Variants in ATP10B observed in about 807,000 individuals in gnomAD.
The protein encoded by ATP10B is ATPase phospholipid transporting 10B (putative).
A neutral mutation model predicts 141.2 loss-of-function variants in ATP10B; 122 were observed. The observed-to-expected ratio is 0.86, with a 90% CI of 0.75 to 1.00. The LOEUF (loss-of-function observed/expected upper bound fraction) is 1.00, where lower values mean the gene tolerates loss of function less well. Ranked by LOEUF, ATP10B falls within the 50% of genes least tolerant of loss-of-function variation. The pLI is 0.00. For missense variants in ATP10B, 1,876 were observed against 1,825.3 expected, an observed-to-expected ratio of 1.03 and a Z score of -0.51; for synonymous variants, 685 against 692.0, an observed-to-expected ratio of 0.99 and a Z score of 0.16.
intron 1 of ATP10B, among the ~76,000 whole-genome samples, chr5:160,791,958 C>A (rs1935363155): frequency 1.3e-5 from 2 of 152,066 alleles, no homozygotes; most frequent in African/African-American, 4.8e-5. Flanking sequence ...AAAGCTTTTC[C>A]CTTCCCACTG....
At chr5:160,566,726 A>G (rs1754561632) in intron 25 of ATP10B, among the ~76,000 whole-genome samples, 1 of 152,226 alleles carries the variant, frequency 6.6e-6, no homozygotes, top group South Asian at 2.1e-4. Context: ...TGTATGGAGA[A>G]AATATACACA....
chr5:160,600,067 A>AT (rs1480150146), intron 21 of ATP10B, among the ~76,000 whole-genome samples: 7 of 152,208 alleles, frequency 4.6e-5, no homozygotes, highest in Non-Finnish European at 7.3e-5. Context: ...CAGGAGTGAG[A>AT]TATACATCAG....
intron 23 of ATP10B, 152 bp downstream of exon 23, chr5:160,590,907 C>G: frequency 1.7e-6 from 1 of 603,018 alleles, no homozygotes; most frequent in Non-Finnish European, 2.9e-6. Flanking sequence ...TCTGACTTTT[C>G]AAACACCTTG....
At chr5:160,670,761 T>C (rs1762639853) in intron 6 of ATP10B, 94 bp from the exon 7 acceptor site, 1 of 1,104,844 alleles carries the variant, frequency 9.1e-7, no homozygotes, top group Non-Finnish European at 1.3e-6. Flanking sequence ...CACCTAACTA[T>C]CCACCAAGTC....
chr5:160,824,882 A>C (rs1774457411), intron 1 of ATP10B, among the ~76,000 whole-genome samples: 1 of 152,152 alleles, frequency 6.6e-6, no homozygotes, highest in South Asian at 2.1e-4. Flanking sequence ...CCAATCCGCC[A>C]ATTGCTAGCT....
intron 2 of ATP10B, among the ~76,000 whole-genome samples, chr5:160,766,225 A>C (rs1366366098): frequency 6.6e-6 from 1 of 152,004 alleles, no homozygotes; most frequent in Non-Finnish European, 1.5e-5. Context: ...GGAAAAGAAA[A>C]GTCATATTAT....
In ATP10B at chr5:160,687,808, T is replaced by A; in HGVS notation, c.267A>T (p.Gln89His). Residue 89 changes from glutamine to histidine, a missense_variant, in exon 5 of 26, where the codon CAA (glutamine) becomes CAT (histidine). Coordinates refer to ENST00000327245, the MANE Select transcript of ATP10B (RefSeq NM_025153.3). ...GACAAGTGGATCTCTACCTATGAAATTGCTCAAAGAGATTCCGGGGCAGGA... is the reference window on the plus strand; with the variant it reads ...GACAAGTGGATCTCTACCTATGAAAATGCTCAAAGAGATTCCGGGGCAGGA... The part of the protein sequence containing the change: ...FTFLPRNLFE[Q>H]FHRWANLYFL... The A allele has an allele frequency of 1.9e-6, 3 of 1,613,520 alleles. No individual in the cohort carries two copies. Among genetic ancestry groups the A allele is most frequent in the Non-Finnish European group, 2.5e-6 (3 of 1,179,694 alleles).
intron 16 of ATP10B, among the ~76,000 whole-genome samples, chr5:160,616,716 CCT>C (rs1471719327): frequency 6.6e-6 from 1 of 152,188 alleles, no homozygotes; most frequent in Non-Finnish European, 1.5e-5. Flanking sequence ...TCAAATATTC[CCT>C]GAGTCCCTCT....
chr5:160,618,379 G>A (rs1758145610), intron 15 of ATP10B, among the ~76,000 whole-genome samples: 1 of 152,132 alleles, frequency 6.6e-6, no homozygotes, highest in South Asian at 2.1e-4. Context: ...GTTTTTAGTT[G>A]ATCTCTGGAT....
In ATP10B at chr5:160,816,528, A is replaced by G. The variant is rs1052223031; in HGVS notation, c.-575-30725T>C. On this transcript the variant is annotated intron_variant, in intron 1 of 25. Coordinates refer to ENST00000327245, the MANE Select transcript of ATP10B (RefSeq NM_025153.3). ...ATAATTAATAGCTTACCAACCAAAA[A>G]AAATCCAGGACCACATGGATTCACA... is the stretch of plus-strand genomic sequence containing the variant. Among the ~76,000 whole-genome samples, 3 of 152,192 alleles carry G rather than the reference A, an allele frequency of 2.0e-5. No individual in the cohort carries two copies. The South Asian group carries it at 6.2e-4, about 32-fold the overall frequency.
rs570286593 is a variant in ATP10B, at chr5:160,839,121, T to C, written c.-576+12820A>G. On this transcript the variant is annotated intron_variant, in intron 1 of 25. Transcript: ENST00000327245. The stretch of plus-strand genomic sequence containing the variant: ...ACATCAATTAACCCTCTTTTCTTTA[T>C]AGATTACCTAGTCTCAGGTATTCCT... 4.6e-5 allele frequency among the ~76,000 whole-genome samples: 7 copies of C among 152,294 alleles called. 1 individual carries two copies. In the South Asian group the frequency reaches 1.5e-3, roughly 32 times the overall value.
At chr5:160,765,462 G>A (rs1769332652) in intron 2 of ATP10B, among the ~76,000 whole-genome samples, 1 of 151,996 alleles carries the variant, frequency 6.6e-6, no homozygotes, top group Non-Finnish European at 1.5e-5. Context: ...ATAAAATGGG[G>A]GAAACGACAC....
chr5:160,883,062 G>A, the ATP10B span, among the ~76,000 whole-genome samples: 1 of 152,178 alleles, frequency 6.6e-6, no homozygotes, highest in Admixed American at 6.5e-5. Context: ...ATAGGAATGG[G>A]AAAAGCAAGT....
chr5:160,883,232 G>T, the ATP10B span, among the ~76,000 whole-genome samples: 2 of 152,148 alleles, frequency 1.3e-5, no homozygotes, highest in East Asian at 3.8e-4. Flanking sequence ...TTTTGAACAT[G>T]CAAGAATGTA....
intron 2 of ATP10B, 141 bp from the exon 3 acceptor site, chr5:160,717,175 G>A (rs1765713288): frequency 1.9e-6 from 1 of 536,088 alleles, no homozygotes; most frequent in South Asian, 8.1e-5. Flanking sequence ...TATGATAGTA[G>A]AAAAACATGT....
rs190339774 is a variant in ATP10B, at chr5:160,608,848, T to G, written c.2839-1762A>C. ...GGATATTAGCCCTTTGTCAGATGGGTAGATTGCAAAAATTTTCTCCCATTC... is the reference window on the plus strand; with the variant it reads ...GGATATTAGCCCTTTGTCAGATGGGGAGATTGCAAAAATTTTCTCCCATTC... On this transcript the variant is annotated intron_variant, in intron 18 of 25. Coordinates refer to ENST00000327245, the MANE Select transcript of ATP10B (RefSeq NM_025153.3). Among the ~76,000 whole-genome samples the G allele has an allele frequency of 1.4e-4, 21 of 152,292 alleles. No homozygotes were observed. The East Asian group carries it at 4.0e-3, about 29-fold the overall frequency.
chr5:160,823,001 C>T (rs7714462), intron 1 of ATP10B, among the ~76,000 whole-genome samples: 12,761 of 32,438 alleles, frequency 0.39, 2,433 homozygotes, highest in Non-Finnish European at 0.5. Context: ...TATATATATA[C>T]ATATATATAT....
chr5:160,568,088 G>A (rs2127592798), intron 25 of ATP10B, among the ~76,000 whole-genome samples: 1 of 152,288 alleles, frequency 6.6e-6, no homozygotes, highest in East Asian at 1.9e-4. Flanking sequence ...AAACTCTAGA[G>A]ATACCCAGAT....
At chr5:160,818,972 G>C (rs1380079004) in intron 1 of ATP10B, among the ~76,000 whole-genome samples, 7 of 152,110 alleles carry the variant, frequency 4.6e-5, no homozygotes. Context: ...ACACAGGAAA[G>C]GGAACATCAC....
Sources: gnomAD v4.1 joint callset for allele counts (sites outside exome capture counted in the v4.1 genomes callset) on GRCh38, gnomAD v4.1.1 for gene constraint, MANE v1.5 for transcripts, NCBI Gene and HGNC (gene_info 2026-07-23, HGNC 2026-07-21) for gene names.